TSPAN18: variants seen among roughly 807,000 people sequenced by gnomAD.
The protein encoded by TSPAN18 is tetraspanin-18.
A neutral mutation model predicts 27.3 loss-of-function variants in TSPAN18; 14 were observed. The observed-to-expected ratio is 0.51, with a 90% confidence interval of 0.34 to 0.80. The LOEUF (loss-of-function observed/expected upper bound fraction) is 0.80. Among genes scored for constraint, TSPAN18 ranks in the 30% least tolerant of loss-of-function variants. TSPAN18 has a pLI of 0.01. For missense variants in TSPAN18, 268 were observed against 323.9 expected, an observed-to-expected ratio of 0.83 and a Z score of 1.32; for synonymous variants, 143 against 136.5, an observed-to-expected ratio of 1.05 and a Z score of -0.33.
At chr11:44,818,851 C>T (rs1281105068) in intron 2 of TSPAN18, among the ~76,000 whole-genome samples, 1 of 151,978 alleles carries the variant, frequency 6.6e-6, no homozygotes, top group Non-Finnish European at 1.5e-5. Context: ...GGGGCCTAGG[C>T]CTGAGTTCTG....
intron 2 of TSPAN18, among the ~76,000 whole-genome samples, chr11:44,848,490 C>CA (rs2135182448): frequency 6.6e-6 from 1 of 152,262 alleles, no homozygotes; most frequent in East Asian, 1.9e-4. Context: ...TGGCAAGCAG[C>CA]AGGGGCTCAG....
chr11:44,910,114 C>T (rs1859653345), intron 5 of TSPAN18, among the ~76,000 whole-genome samples: 1 of 152,224 alleles, frequency 6.6e-6, no homozygotes, highest in African/African-American at 2.4e-5. Flanking sequence ...AGCAACTTGC[C>T]CAGAGTCCCA....
chr11:44,855,540 G>A (rs1375070513), intron 2 of TSPAN18, among the ~76,000 whole-genome samples: 1 of 151,962 alleles, frequency 6.6e-6, no homozygotes, highest in Non-Finnish European at 1.5e-5. Flanking sequence ...CCACTTTATA[G>A]GGGAGGGAAC....
chr11:44,914,862 C>T (rs370058221), intron 5 of TSPAN18, among the ~76,000 whole-genome samples: 2 of 152,184 alleles, frequency 1.3e-5, no homozygotes, highest in East Asian at 1.9e-4. Context: ...TTTCCAGAGC[C>T]GCCCACACCA....
chr11:44,842,358 G>C lies in TSPAN18; in HGVS notation c.-152-17970G>C, dbSNP rs114982564. Among the ~76,000 whole-genome samples, 888 of 152,338 alleles carry C rather than the reference G, an allele frequency of 5.8e-3. 10 individuals are homozygous for C. The highest frequency in any genetic ancestry group is 0.02 in the African/African-American group (840 of 41,578). ...GTAGTAACTGCAATTCTGCCTGAAC[G>C]TGTTTGACCCCATGTAAAGATACAT... On this transcript the variant is annotated intron_variant, in intron 2 of 9. Transcript: ENST00000520358.
intron 3 of TSPAN18, among the ~76,000 whole-genome samples, chr11:44,865,714 A>G (rs1251522893): frequency 1.3e-5 from 2 of 152,114 alleles, no homozygotes; most frequent in Non-Finnish European, 2.9e-5. Flanking sequence ...GGGGACAGCT[A>G]TGCAGTCAGG....
At chr11:44,893,943 C>T (rs902308842) in intron 3 of TSPAN18, among the ~76,000 whole-genome samples, 2 of 152,184 alleles carry the variant, frequency 1.3e-5, no homozygotes, top group Non-Finnish European at 2.9e-5. Flanking sequence ...GCCCAGGACA[C>T]TGGGTTAATG....
chr11:44,773,214 C>T (rs1403660530), intron 2 of TSPAN18, among the ~76,000 whole-genome samples: 2 of 151,894 alleles, frequency 1.3e-5, no homozygotes, highest in Non-Finnish European at 2.9e-5. Context: ...GTCGGGAGTT[C>T]GAGACCAGCC....
intron 5 of TSPAN18, among the ~76,000 whole-genome samples, chr11:44,912,755 G>A (rs79195115): frequency 0.016 from 2,424 of 152,230 alleles, 56 homozygotes; most frequent in African/African-American, 0.055. Context: ...TTGTGCATAT[G>A]TACACGTGCA....
chr11:44,800,006 GTTTTTT>G (rs60067559), intron 2 of TSPAN18, among the ~76,000 whole-genome samples: 3 of 109,398 alleles, frequency 2.7e-5, no homozygotes, highest in Admixed American at 1.0e-4. Flanking sequence ...AATTTTTTGT[GTTTTTT>G]TTTTTTTTTT....
At chr11:44,919,538 G>T in intron 7 of TSPAN18, 2 of 612,188 alleles carry the variant, frequency 3.3e-6, no homozygotes, top group East Asian at 5.6e-5. Context: ...CCAAGCAATG[G>T]TCATTATGAT....
At chr11:44,797,193 G>A (rs544126664) in intron 2 of TSPAN18, among the ~76,000 whole-genome samples, 1 of 152,308 alleles carries the variant, frequency 6.6e-6, no homozygotes, top group Non-Finnish European at 1.5e-5. Context: ...TCACAACCCA[G>A]GAGGCAGACA....
chr11:44,894,455 A>C (rs1858967047), intron 3 of TSPAN18, among the ~76,000 whole-genome samples: 1 of 152,136 alleles, frequency 6.6e-6, no homozygotes, highest in Non-Finnish European at 1.5e-5. Context: ...TTCTCTCTAG[A>C]AAGCATGCCT....
chr11:44,795,482 A>C (rs538413065), intron 2 of TSPAN18, among the ~76,000 whole-genome samples: 4 of 152,176 alleles, frequency 2.6e-5, no homozygotes, highest in Admixed American at 2.0e-4. Context: ...CCACTCATCC[A>C]AGCAGTAGGG....
rs184829264 is a variant in TSPAN18, at chr11:44,903,729, A to G, written c.-10-2678A>G. 2.6e-3 allele frequency: 1,199 copies of G among 455,760 alleles called. 22 individuals carry two copies. In the Admixed American group the frequency reaches 0.027, roughly 10 times the overall value. The allele number at this position is 455,760 out of a possible 1,614,324, so 28.2% of individuals were successfully genotyped here. On this transcript the variant is annotated intron_variant, in intron 3 of 9. Coordinates refer to ENST00000520358, the MANE Select transcript of TSPAN18 (RefSeq NM_130783.5). ...AGATGGCATGTCTTGAATTCAGGCC[A>G]TGCTCACTGAAGTAAAGACAAATCC...
At chr11:44,828,591 T>C (rs1424711627) in intron 2 of TSPAN18, among the ~76,000 whole-genome samples, 1 of 152,190 alleles carries the variant, frequency 6.6e-6, no homozygotes, top group Non-Finnish European at 1.5e-5. Flanking sequence ...TCTGCCATTG[T>C]ATGATGGAGG....
intron 3 of TSPAN18, among the ~76,000 whole-genome samples, chr11:44,861,612 T>A (rs1307042786): frequency 6.6e-6 from 1 of 151,620 alleles, no homozygotes; most frequent in Non-Finnish European, 1.5e-5. Context: ...GAGAAAGGAA[T>A]GCTGGGCAGA....
At chr11:44,843,670 G>C (rs946745746) in intron 2 of TSPAN18, among the ~76,000 whole-genome samples, 2 of 152,158 alleles carry the variant, frequency 1.3e-5, no homozygotes, top group Non-Finnish European at 2.9e-5. Context: ...TACACGCCGG[G>C]GGGGCCAGTT....
intron 1 of TSPAN18, among the ~76,000 whole-genome samples, chr11:44,750,309 C>T (rs1355795153): frequency 6.6e-6 from 1 of 152,186 alleles, no homozygotes; most frequent in Non-Finnish European, 1.5e-5. Context: ...GAATTATTCC[C>T]TCTCCTGCCT....
Sources: gnomAD v4.1 joint callset for allele counts (sites outside exome capture counted in the v4.1 genomes callset) on GRCh38, gnomAD v4.1.1 for gene constraint, MANE v1.5 for transcripts, NCBI Gene and HGNC (gene_info 2026-07-23, HGNC 2026-07-21) for gene names.